Variants in UTP14A observed in about 807,000 individuals in gnomAD.
UTP14A encodes the protein UTP14A small subunit processome component, also known as U3 small nucleolar RNA-associated protein 14 homolog A.
A neutral mutation model predicts 57.2 loss-of-function variants in UTP14A; 5 were observed. The observed-to-expected ratio is 0.09, with a 90% CI of 0.05 to 0.18. UTP14A has a LOEUF of 0.18. UTP14A is among the 10% of genes least tolerant of loss of function. UTP14A has a pLI of 1.00. For missense variants in UTP14A, 430 were observed against 562.1 expected, an observed-to-expected ratio of 0.76 and a Z score of 2.38; for synonymous variants, 169 against 210.9, an observed-to-expected ratio of 0.80 and a Z score of 1.72.
chrX:129,926,507 T>C (rs1479802907), intron 14 of UTP14A, among the ~76,000 whole-genome samples, 168 bp downstream of exon 14: 1 of 112,060 alleles, frequency 8.9e-6, no homozygotes, highest in Non-Finnish European at 1.9e-5. Context: ...TCAGATAGAC[T>C]ACGCTGTTTT....
rs927421271 is a variant in UTP14A, at chrX:129,919,301, G to A, written c.657+7G>A. ...AGCCATGAGCCTAGAAGAGGTAAGT[G>A]TGTCATAGGCCCTTCAGCACACCCA... On this transcript the variant is annotated splice_region_variant and intron_variant, in intron 7 of 14. Transcript: ENST00000394422. 6 of 1,211,711 alleles carry A rather than the reference G, an allele frequency of 5.0e-6. No homozygotes were observed. In the East Asian group the frequency reaches 1.2e-4, roughly 24 times the overall value.
intron 6 of UTP14A, among the ~76,000 whole-genome samples, chrX:129,918,402 A>C (rs1381811997): frequency 1.9e-5 from 2 of 107,768 alleles, no homozygotes; most frequent in South Asian, 4.0e-4. Flanking sequence ...AAAACAAAAA[A>C]AAAAAAAAAA....
chrX:129,912,754 T>G (rs1170224389), intron 6 of UTP14A, among the ~76,000 whole-genome samples: 1 of 111,743 alleles, frequency 8.9e-6, no homozygotes, highest in African/African-American at 3.3e-5. Context: ...GGTTGATGTT[T>G]TAGAGCTGGG....
intron 11 of UTP14A, chrX:129,922,520 C>T (rs1222258820): frequency 9.0e-6 from 1 of 111,322 alleles, no homozygotes; most frequent in Non-Finnish European, 1.9e-5. Context: ...ACCTCCCAGG[C>T]TCAAGCGATC....
Position 129,925,045 on chromosome X carries a change from A to G in UTP14A, c.1599A>G (p.Leu533=). ...FQNKELPRPV[L]EGQQSERTPN... ...ATAAGGAGCTTCCCAGACCTGTGTT[A>G]GAAGGGCAGCAGTCAGAGAGGACCC... Residue 533 remains leucine (L), a synonymous_variant, in exon 12 of 15, where the codon TTA becomes TTG. Transcript: ENST00000394422. 8.3e-7 allele frequency: 1 copy of G among 1,211,810 alleles called. No individual in the cohort carries two copies. The highest frequency in any genetic ancestry group is 1.8e-5 in the South Asian group (1 of 56,973).
chrX:129,920,598 C>T lies in UTP14A; in HGVS notation c.876+18C>T, dbSNP rs1337294674. On this transcript the variant is annotated intron_variant, in intron 9 of 14. Coordinates refer to ENST00000394422, the MANE Select transcript of UTP14A (RefSeq NM_006649.4). Reference sequence around the variant, plus strand: ...GAATGATGGTGAGACTACCTCTTGCCCCACCCCCACCCCTTTGAACCAGCT... The same window carrying T: ...GAATGATGGTGAGACTACCTCTTGCTCCACCCCCACCCCTTTGAACCAGCT... 4 of 1,190,838 alleles carry T rather than the reference C, an allele frequency of 3.4e-6. No homozygotes were observed. In the African/African-American group the frequency reaches 7.1e-5, roughly 21 times the overall value.
intron 2 of UTP14A, 40 bp from the exon 3 acceptor site, chrX:129,908,019 CT>C (rs1929319104): frequency 9.3e-7 from 1 of 1,079,945 alleles, no homozygotes; most frequent in South Asian, 1.9e-5. Context: ...TGTCTTTTCC[CT>C]CCCCCTCATC....
At position 129,908,136 on chromosome X, in the gene UTP14A, G is replaced by T. The variant is rs370624137; in HGVS notation, c.173+6G>T. On this transcript the variant is annotated splice_donor_region_variant and intron_variant, in intron 3 of 14. Transcript: ENST00000394422. ...TCCCTTGATGGAAAGAATAGGTAAC[G>T]TTCCCGTCAGTTAGGGCAGGTTATA... The T allele has an allele frequency of 6.7e-6, 8 of 1,191,110 alleles. No individual in the cohort carries two copies. The South Asian group carries it at 1.5e-4, about 22-fold the overall frequency.
At chrX:129,915,115 T>C (rs1206099720) in intron 6 of UTP14A, among the ~76,000 whole-genome samples, 4 of 112,080 alleles carry the variant, frequency 3.6e-5, no homozygotes, top group African/African-American at 1.3e-4. Context: ...CTCAAGAGGC[T>C]GAGGCACCAG....
Position 129,919,276 on chromosome X carries a change from A to C in UTP14A, c.639A>C (p.Arg213=). 1 of 1,211,737 alleles carries C rather than the reference A, an allele frequency of 8.3e-7. No homozygotes were observed. Among genetic ancestry groups the C allele is most frequent in the Non-Finnish European group, 1.1e-6 (1 of 895,539 alleles). Residue 213 remains arginine, a synonymous_variant, in exon 7 of 15, where the codon CGA becomes CGC. Transcript: ENST00000394422. The stretch of plus-strand genomic sequence containing the variant: ...CCCCTGTGGAAAAGGCCTCTCTCCG[A>C]GCCATGAGCCTAGAAGAGGTAAGTG... ...LLTPVEKASL[R]AMSLEEAKMR... is the part of the protein sequence containing the mutation.
intron 6 of UTP14A, chrX:129,913,285 G>A (rs1346340528): frequency 3.3e-6 from 1 of 303,756 alleles, no homozygotes; most frequent in Non-Finnish European, 6.5e-6. Flanking sequence ...TGTTTTTGCT[G>A]AAGTCACTAC....
chrX:129,914,031 A>T (rs1048265459), intron 6 of UTP14A, among the ~76,000 whole-genome samples: 15 of 111,785 alleles, frequency 1.3e-4, no homozygotes, highest in African/African-American at 4.5e-4. Flanking sequence ...GTAGTGGAGG[A>T]GGTTACACTA....
rs759783711 is a variant in UTP14A, at chrX:129,919,254, C to A, written c.617C>A (p.Pro206His). Residue 206 changes from proline to histidine, a missense_variant, in exon 7 of 15, where the codon CCT (proline) becomes CAT (histidine). Coordinates refer to ENST00000394422, the MANE Select transcript of UTP14A (RefSeq NM_006649.4). ...KQPVTDPLLT[P>H]VEKASLRAMS... ...CCAGTGACAGACCCTTTACTGACCC[C>A]TGTGGAAAAGGCCTCTCTCCGAGCC... 1.4e-5 allele frequency: 17 copies of A among 1,209,930 alleles called. No homozygotes were observed. In the East Asian group the frequency reaches 4.1e-4, roughly 30 times the overall value.
At chrX:129,917,025 T>C (rs748738885) in intron 6 of UTP14A, among the ~76,000 whole-genome samples, 1 of 112,004 alleles carries the variant, frequency 8.9e-6, no homozygotes, top group African/African-American at 3.2e-5. Context: ...AAAGGGTATT[T>C]AACCCATTAT....
At chrX:129,914,830 AGAG>A (rs1383793277) in intron 6 of UTP14A, among the ~76,000 whole-genome samples, 2 of 112,209 alleles carry the variant, frequency 1.8e-5, no homozygotes, top group Non-Finnish European at 3.8e-5. Context: ...TGCCTTCACA[AGAG>A]GAGGAGAGGA....
rs1929825970 is a variant in UTP14A at position 129,919,408 on chromosome X, G to A, written c.671G>A (p.Arg224Gln). Residue 224 changes from arginine (R) to glutamine (Q), a missense_variant, in exon 8 of 15, where the codon CGA (arginine) becomes CAA (glutamine). Transcript: ENST00000394422. Reference sequence around the variant, plus strand: ...CATTTGTTGTAGGCAAAGATGCGACGAGCAGAGCTTCAGAGGGCTCGGGCT... The same window carrying A: ...CATTTGTTGTAGGCAAAGATGCGACAAGCAGAGCTTCAGAGGGCTCGGGCT... ...AMSLEEAKMRRAELQRARALQ... is the reference protein window; with the variant it reads ...AMSLEEAKMRQAELQRARALQ... 5.0e-6 allele frequency: 6 copies of A among 1,211,793 alleles called. No individual in the cohort carries two copies. In the South Asian group the frequency reaches 5.3e-5, roughly 11 times the overall value.
At chrX:129,912,993 A>G (rs866396193) in intron 6 of UTP14A, among the ~76,000 whole-genome samples, 2 of 111,809 alleles carry the variant, frequency 1.8e-5, no homozygotes, top group Admixed American at 9.6e-5. Flanking sequence ...TGGAAATCCT[A>G]TGTTGGTCCC....
chrX:129,917,693 G>A (rs925104055), intron 6 of UTP14A, among the ~76,000 whole-genome samples: 6 of 111,503 alleles, frequency 5.4e-5, no homozygotes, highest in Non-Finnish European at 3.8e-5. Context: ...CTTTTTGTTT[G>A]TTTGTTTTTA....
chrX:129,929,320 TCTC>T lies in UTP14A; in HGVS notation c.2044-13_2044-11del, dbSNP rs1288702044. 1.7e-6 allele frequency: 2 copies of T among 1,206,109 alleles called. No individual in the cohort carries two copies. Among genetic ancestry groups the T allele is most frequent in the South Asian group, 1.8e-5 (1 of 56,536 alleles). The stretch of plus-strand genomic sequence containing the variant: ...CCAGGCCTGCCTCATACCAAATCAT[TCTC>T]CTTCCTTTCCAGGTACGAGTGCTTC... On this transcript the variant is annotated splice_polypyrimidine_tract_variant and intron_variant, in intron 14 of 14. Coordinates refer to ENST00000394422, the MANE Select transcript of UTP14A (RefSeq NM_006649.4).
Sources: allele counts gnomAD v4.1 joint callset (sites outside exome capture counted in the v4.1 genomes callset), GRCh38; gene constraint gnomAD v4.1.1; transcripts MANE v1.5; gene names NCBI Gene and HGNC (gene_info 2026-07-23, HGNC 2026-07-21).